TTLL12: variants seen among roughly 807,000 people sequenced by gnomAD.
TTLL12 encodes the protein tubulin--tyrosine ligase-like protein 12.
Under a neutral mutation model 79.6 loss-of-function variants are expected in TTLL12, and 77 were observed. The ratio of observed to expected loss-of-function variants is 0.97; its 90% confidence interval spans 0.81 to 1.17. The LOEUF (loss-of-function observed/expected upper bound fraction) is 1.17. Ranked by LOEUF, TTLL12 falls within the 50% of genes most tolerant of loss-of-function variation. The probability of loss-of-function intolerance (pLI) is 0.00; values close to 1 mark genes in which losing one functional copy is unlikely to be tolerated. For missense variants in TTLL12, 969 were observed against 895.9 expected, an observed-to-expected ratio of 1.08 and a Z score of -1.04; for synonymous variants, 437 against 376.1, an observed-to-expected ratio of 1.16 and a Z score of -1.87.
intron 2 of TTLL12, 74 bp downstream of exon 2, chr22:43,182,906 G>A (rs879083508): frequency 1.9e-6 from 3 of 1,544,642 alleles, no homozygotes; most frequent in Admixed American, 1.9e-5. Context: ...CAGGGCCCAG[G>A]AGAATCTGCA....
At chr22:43,175,401 A>T (rs1359677893) in intron 6 of TTLL12, 1 of 152,244 alleles carries the variant, frequency 6.6e-6, no homozygotes, top group Admixed American at 6.5e-5. Flanking sequence ...GGTGCCCAGC[A>T]TGTTCCTGGC....
chr22:43,175,498 G>C (rs1223773152), intron 6 of TTLL12: 1 of 152,262 alleles, frequency 6.6e-6, no homozygotes, highest in Non-Finnish European at 1.5e-5. Flanking sequence ...ATCGTATCCA[G>C]GTAAGCGGAG....
In TTLL12 at chr22:43,169,506, G is replaced by A. The variant is rs200517252; in HGVS notation, c.1638C>T (p.Asp546=). ...EKQYPEFPWT[D]VQAEIFRAFT... ...TGTGCAGGACAGGAATTACCTGGAC[G>A]TCCGTCCAGGGAAATTCTGGGTATT... The change falls in exon 12 of 14, where the codon GAC becomes GAT. Residue 546 remains aspartate, a synonymous_variant. Coordinates refer to ENST00000216129, the MANE Select transcript of TTLL12 (RefSeq NM_015140.4). 1.5e-4 allele frequency: 244 copies of A among 1,598,046 alleles called. No individual in the cohort carries two copies. Among genetic ancestry groups the A allele is most frequent in the Non-Finnish European group, 1.9e-4 (225 of 1,170,592 alleles).
At chr22:43,175,217 A>C (rs988192978) in intron 6 of TTLL12, 10 of 152,442 alleles carry the variant, frequency 6.6e-5, no homozygotes, top group Non-Finnish European at 1.2e-4. Context: ...AGCCTCAGGG[A>C]GGGGCTCCTG....
Position 43,174,339 on chromosome 22 carries a change from C to T in TTLL12, c.1099G>A (p.Val367Ile), listed in dbSNP as rs1216303149. The change falls in exon 8 of 14, where the codon GTC (valine) becomes ATC (isoleucine). Residue 367 changes from valine (V) to isoleucine (I), a missense_variant. By Grantham distance (29) the Val-to-Ile change is conservative (BLOSUM62 3). Coordinates refer to ENST00000216129, the MANE Select transcript of TTLL12 (RefSeq NM_015140.4). ...GCGATGGAGGCCAGGCAGTCCTTGACAGTCAGCAGGTTCTCGCAGGGGAAC... is the reference window on the plus strand; with the variant it reads ...GCGATGGAGGCCAGGCAGTCCTTGATAGTCAGCAGGTTCTCGCAGGGGAAC... The part of the protein sequence containing the change: ...NQFPCENLLT[V>I]KDCLASIARR... 1 of 1,603,488 alleles carries T rather than the reference C, an allele frequency of 6.2e-7. No homozygotes were observed. The highest frequency in any genetic ancestry group is 8.5e-7 in the Non-Finnish European group (1 of 1,173,998).
Position 43,174,355 on chromosome 22 carries a change from G to A in TTLL12, c.1083C>T (p.Cys361=), listed in dbSNP as rs753308819. ...RPGVLLNQFP[C]ENLLTVKDCL... is the part of the protein sequence containing the mutation. ...AGTCCTTGACAGTCAGCAGGTTCTCGCAGGGGAACTGGTTCAGCAGCACGC... is the reference window on the plus strand; with the variant it reads ...AGTCCTTGACAGTCAGCAGGTTCTCACAGGGGAACTGGTTCAGCAGCACGC... Residue 361 remains cysteine (C), a synonymous_variant, in exon 8 of 14, where the codon TGC becomes TGT. Transcript: ENST00000216129. The A allele has an allele frequency of 1.8e-5, 28 of 1,592,526 alleles. No homozygotes were observed. Among genetic ancestry groups the A allele is most frequent in the South Asian group, 3.4e-5 (3 of 89,454 alleles).
At chr22:43,185,951 G>C (rs1238664231) in intron 1 of TTLL12, 1 of 985,242 alleles carries the variant, frequency 1.0e-6, no homozygotes, top group East Asian at 1.1e-4. Context: ...GCATAAGGAG[G>C]TGCCACTCAC....
rs1175287485 is a variant in TTLL12, at chr22:43,173,211, C to A, written c.1341+504G>T. 3.3e-5 allele frequency among the ~76,000 whole-genome samples: 5 copies of A among 152,330 alleles called. No homozygotes were observed. In the South Asian group the frequency reaches 8.3e-4, roughly 25 times the overall value. On this transcript the variant is annotated intron_variant, in intron 9 of 13. Coordinates refer to ENST00000216129, the MANE Select transcript of TTLL12 (RefSeq NM_015140.4). ...GTCCCCTCACTATGAATCTTTACCA[C>A]GGCTCTGAGAGGCTCCTTGTCCAGG...
intron 9 of TTLL12, among the ~76,000 whole-genome samples, chr22:43,172,820 C>A (rs1429759117): frequency 6.6e-6 from 1 of 151,972 alleles, no homozygotes; most frequent in African/African-American, 2.4e-5. Context: ...GCCTCAGCCT[C>A]CTGAGTAGCT....
chr22:43,171,482 T>G, intron 11 of TTLL12: 2 of 251,506 alleles, frequency 8.0e-6, no homozygotes, highest in Non-Finnish European at 1.6e-5. Flanking sequence ...ACTCACAGGG[T>G]GGTCTGCTTT....
At position 43,180,912 on chromosome 22, in the gene TTLL12, A is replaced by G. The variant is rs765566985; in HGVS notation, c.376T>C (p.Cys126Arg). 4.3e-6 allele frequency: 7 copies of G among 1,612,318 alleles called. No individual in the cohort carries two copies. Among genetic ancestry groups the G allele is most frequent in the Non-Finnish European group, 5.9e-6 (7 of 1,179,778 alleles). Residue 126 changes from cysteine (C) to arginine (R), a missense_variant, in exon 3 of 14, where the codon TGC (cysteine) becomes CGC (arginine). Coordinates refer to ENST00000216129, the MANE Select transcript of TTLL12 (RefSeq NM_015140.4). ...TGCTGGCGCGCGTGCTCCACACGGC[A>G]CGTCCAGGCGTGGTCGATGAGGAAG... ...SIFLIDHAWT[C>R]RVEHARQQLQ...
rs759659617 is a variant in TTLL12, at chr22:43,179,783, G to A, written c.707-31C>T. 23 of 1,549,268 alleles carry A rather than the reference G, an allele frequency of 1.5e-5. No homozygotes were observed. The East Asian group carries it at 5.3e-4, about 36-fold the overall frequency. ...CCAAGACATGAGTGCCCATCAGAGG[G>A]GGTGACGGGACACTGGGCTGAGGCC... On this transcript the variant is annotated intron_variant, in intron 4 of 13. Coordinates refer to ENST00000216129, the MANE Select transcript of TTLL12 (RefSeq NM_015140.4).
At chr22:43,168,940 G>A in intron 12 of TTLL12, 28 bp from the exon 13 acceptor site, 3 of 1,598,854 alleles carry the variant, frequency 1.9e-6, no homozygotes, top group Non-Finnish European at 2.6e-6. Context: ...TGAGTTACGA[G>A]GCCTGCTCAG....
chr22:43,175,341 C>G (rs1274029718), intron 6 of TTLL12: 36 of 152,364 alleles, frequency 2.4e-4, no homozygotes, highest in Admixed American at 2.3e-3. Flanking sequence ...ACAGCCACAC[C>G]TGCAGCCTCC....
chr22:43,182,212 G>C (rs73418089), intron 2 of TTLL12, among the ~76,000 whole-genome samples: 6 of 152,202 alleles, frequency 3.9e-5, no homozygotes, highest in Admixed American at 6.5e-5. Context: ...CCTGTTCCTG[G>C]GCCTGAGCCG....
At position 43,171,867 on chromosome 22, in the gene TTLL12, C is replaced by T; in HGVS notation, c.1527G>A (p.Glu509=). The stretch of plus-strand genomic sequence containing the variant: ...CATAGTTCATGACCGTGAAGTGCTT[C>T]TCGTAGTCATCCAGGTCGTTGAGTG... ...AFALNDLDDY[E]KHFTVMNYDP... Residue 509 remains glutamate (E), a synonymous_variant, in exon 11 of 14, where the codon GAG becomes GAA. Coordinates refer to ENST00000216129, the MANE Select transcript of TTLL12 (RefSeq NM_015140.4). 2 of 1,614,188 alleles carry T rather than the reference C, an allele frequency of 1.2e-6. No individual in the cohort carries two copies. Among genetic ancestry groups the T allele is most frequent in the South Asian group, 2.2e-5 (2 of 91,086 alleles).
At chr22:43,168,703 C>G (rs1931681697) in intron 13 of TTLL12, 71 bp downstream of exon 13, 2 of 1,535,680 alleles carry the variant, frequency 1.3e-6, no homozygotes, top group East Asian at 4.9e-5. Flanking sequence ...TGCCTGCCTT[C>G]TCCAGGCTGT....
Position 43,179,912 on chromosome 22 carries a change from G to A in TTLL12, c.635C>T (p.Ala212Val). Residue 212 changes from alanine (A) to valine (V), a missense_variant, in exon 4 of 14, where the codon GCA (alanine) becomes GTA (valine). By Grantham distance (64) the Ala-to-Val change is moderately conservative (BLOSUM62 0). Transcript: ENST00000216129. ...CTGCTGCGGCATGTAGAAGAAGGGT[G>A]CCGTGGCGAAGCTGGGCACGTCCGC... ...QHADVPSFAT[A>V]PFFYMPQQVA... The A allele has an allele frequency of 1.2e-6, 2 of 1,610,988 alleles. No individual in the cohort carries two copies. The highest frequency in any genetic ancestry group is 8.5e-7 in the Non-Finnish European group (1 of 1,179,904).
At chr22:43,173,861 G>A in intron 8 of TTLL12, 35 bp from the exon 9 acceptor site, 7 of 1,577,590 alleles carry the variant, frequency 4.4e-6, no homozygotes, top group Non-Finnish European at 6.0e-6. Context: ...GGGGCGCCTG[G>A]GGCCTGTGTT....
Sources: allele counts gnomAD v4.1 joint callset (sites outside exome capture counted in the v4.1 genomes callset), GRCh38; gene constraint gnomAD v4.1.1; transcripts MANE v1.5; gene names NCBI Gene and HGNC (gene_info 2026-07-23, HGNC 2026-07-21).